Variants in RNF213 observed in about 807,000 individuals in gnomAD.
RNF213 encodes E3 ubiquitin-protein ligase RNF213.
Under a neutral mutation model 514.4 loss-of-function variants are expected in RNF213, and 341 were observed. The observed-to-expected ratio is 0.66, with a 90% CI of 0.61 to 0.73. RNF213 has a LOEUF of 0.73. RNF213 is among the 30% of genes least tolerant of loss of function. The probability of loss-of-function intolerance (pLI) is 0.00; values close to 1 mark genes in which losing one functional copy is unlikely to be tolerated. For missense variants in RNF213, 5,767 were observed against 6,615.6 expected (o/e 0.87, Z 4.45); for synonymous variants, 2,655 against 2,658.2 (o/e 1.00, Z 0.04).
Position 80,309,690 on chromosome 17 carries a change from C to T in RNF213, c.2655+519C>T, listed in dbSNP as rs576363660. On this transcript the variant is annotated intron_variant, in intron 14 of 67. Transcript: ENST00000582970. ...GTCCCAGGTCTGATGGCAGGATGAC[C>T]CGGCTCCTCCGTCCCAAAGAAAGCC... 9.9e-5 allele frequency among the ~76,000 whole-genome samples: 15 copies of T among 152,232 alleles called. No individual in the cohort carries two copies. The South Asian group carries it at 3.1e-3, about 32-fold the overall frequency.
Position 80,364,503 on chromosome 17 carries a change from G to GA in RNF213, c.11821_11822insA (p.Val3941AspfsTer24). 6.2e-7 allele frequency: 1 copy of GA among 1,614,112 alleles called. No homozygotes were observed. Among genetic ancestry groups the GA allele is most frequent in the Non-Finnish European group, 8.5e-7 (1 of 1,180,018 alleles). On this transcript the variant is annotated frameshift_variant, in exon 42 of 68. Transcript: ENST00000582970. LOFTEE classifies it high-confidence loss of function. The stretch of plus-strand genomic sequence containing the variant: ...CGTGCTCCTAGGAACCGAGAGCCGC[G>GA]TCCCCGAGTTACAGGGGCTGGTGAC...
At position 80,345,554 on chromosome 17, in the gene RNF213, G is replaced by A. The variant is rs757086130; in HGVS notation, c.7219G>A (p.Glu2407Lys). ...TDNMLKILAI[E>K]MRFRCGIPVI... ...CAATATGCTTAAAATCCTTGCCATC[G>A]AGATGCGGTTCCGGTGTGGGATCCC... Residue 2407 changes from glutamate to lysine, a missense_variant, in exon 29 of 68, where the codon GAG becomes AAG. Glu to Lys is a moderately conservative substitution (Grantham distance 56, BLOSUM62 1). Around this residue, in one of 13 missense-constraint regions of RNF213, gnomAD observed 1,377 missense variants for 1,635.2 expected, o/e 0.84. Transcript: ENST00000582970. The surrounding 1 kb of genome is among the most constrained non-coding windows in gnomAD (Gnocchi z 6.0). The A allele has an allele frequency of 2.5e-6, 4 of 1,613,358 alleles. No homozygotes were observed. The highest frequency in any genetic ancestry group is 8.5e-7 in the Non-Finnish European group (1 of 1,179,308).
chr17:80,383,210 C>T (rs2080094612), intron 58 of RNF213, 140 bp downstream of exon 58: 1 of 697,712 alleles, frequency 1.4e-6, no homozygotes, highest in African/African-American at 1.8e-5. Flanking sequence ...TTCCAATGCT[C>T]CCCACCTCGA....
intron 3 of RNF213, among the ~76,000 whole-genome samples, chr17:80,284,917 A>G (rs1050638089): frequency 2.0e-5 from 3 of 152,120 alleles, no homozygotes; most frequent in Admixed American, 2.0e-4. Flanking sequence ...GTGGGTCCCT[A>G]TGGCCAGGAT....
intron 3 of RNF213, among the ~76,000 whole-genome samples, chr17:80,275,864 A>G (rs2044032517): frequency 6.6e-6 from 1 of 151,164 alleles, no homozygotes; most frequent in African/African-American, 2.4e-5. Context: ...GGGTTTCACC[A>G]TGTTGGCCAG....
intron 67 of RNF213, among the ~76,000 whole-genome samples, chr17:80,391,952 A>G (rs2080491357): frequency 6.6e-6 from 1 of 151,788 alleles, no homozygotes. Flanking sequence ...TACTTTTAGT[A>G]GAGACGGGTT....
Position 80,393,878 on chromosome 17 carries a change from T to C in RNF213, c.*380T>C, listed in dbSNP as rs550341024. On this transcript the variant is annotated 3_prime_UTR_variant, in exon 68 of 68. Transcript: ENST00000582970. ...GGCACTGCCCACCCCTCTTTTTTTT[T>C]TTCTTCTAATTCTGTACTCACAAAA... 25 of 244,446 alleles carry C rather than the reference T, an allele frequency of 1.0e-4. No individual in the cohort carries two copies. The highest frequency in any genetic ancestry group is 5.2e-4 in the South Asian group (10 of 19,206). 15.1% of individuals were successfully genotyped at this position (244,446 alleles called of 1,614,324 possible). A position where few individuals can be genotyped will look rare whatever the true frequency, so the allele number is the denominator to read the frequency against.
chr17:80,371,045 A>G (rs1668531212), intron 46 of RNF213, among the ~76,000 whole-genome samples: 1 of 152,188 alleles, frequency 6.6e-6, no homozygotes, highest in Admixed American at 6.5e-5. Flanking sequence ...AAATGTGTCA[A>G]CCTTTACAAG....
chr17:80,384,069 G>C, intron 59 of RNF213, 141 bp downstream of exon 59: 3 of 1,050,430 alleles, frequency 2.9e-6, no homozygotes, highest in Non-Finnish European at 4.4e-6. Context: ...TGTAGCAGAA[G>C]ACTCAGGGCT....
At chr17:80,328,562 C>G (rs1350743037) in intron 20 of RNF213, 85 bp downstream of exon 20, 1 of 1,354,288 alleles carries the variant, frequency 7.4e-7, no homozygotes, top group Non-Finnish European at 9.8e-7. Context: ...AGTAGCAGAT[C>G]TTTATTTTGG....
chr17:80,334,057 G>A, intron 21 of RNF213, 48 bp from the exon 22 acceptor site: 1 of 1,535,774 alleles, frequency 6.5e-7, no homozygotes, highest in Non-Finnish European at 8.7e-7. Flanking sequence ...ACAGATTCTG[G>A]GGTTCTGGTT....
At chr17:80,373,612 C>T (rs1011042329) in intron 49 of RNF213, among the ~76,000 whole-genome samples, 1 of 152,094 alleles carries the variant, frequency 6.6e-6, no homozygotes, top group African/African-American at 2.4e-5. Flanking sequence ...GCGAATTAAA[C>T]GTAGTTCAGC....
chr17:80,389,958 C>T (rs370995636), intron 66 of RNF213, 41 bp downstream of exon 66: 147 of 1,611,962 alleles, frequency 9.1e-5, no homozygotes, highest in Admixed American at 6.2e-4. Context: ...AGAGGGACTG[C>T]GCTCCCTTCT....
intron 3 of RNF213, among the ~76,000 whole-genome samples, chr17:80,274,151 C>T (rs2043931659): frequency 6.6e-6 from 1 of 152,054 alleles, no homozygotes; most frequent in Non-Finnish European, 1.5e-5. Context: ...GGTGCGTGCC[C>T]AGAGGGGCTT....
chr17:80,334,448 T>C (rs1313325552), intron 22 of RNF213, 178 bp downstream of exon 22: 11 of 606,592 alleles, frequency 1.8e-5, no homozygotes, highest in Non-Finnish European at 2.4e-5. Context: ...TTCACACCGG[T>C]ACAGTATTTC....
At chr17:80,360,252 A>G in intron 38 of RNF213, 46 bp downstream of exon 38, 3 of 1,589,698 alleles carry the variant, frequency 1.9e-6, no homozygotes, top group Non-Finnish European at 2.6e-6. Flanking sequence ...GGTGAATCAC[A>G]AAGGGATTGC....
In RNF213 at chr17:80,360,194, A is replaced by G; in HGVS notation, c.11188A>G (p.Thr3730Ala). 1 of 1,613,250 alleles carries G rather than the reference A, an allele frequency of 6.2e-7. No homozygotes were observed. Among genetic ancestry groups the G allele is most frequent in the Non-Finnish European group, 8.5e-7 (1 of 1,179,630 alleles). The part of the protein sequence containing the change: ...EELWVQAQYI[T>A]DAEGLPKKFV... ...GCTGTGGGTCCAGGCTCAGTACATCACAGACGCAGAAGGTGAGGCTACCTC... is the reference window on the plus strand; with the variant it reads ...GCTGTGGGTCCAGGCTCAGTACATCGCAGACGCAGAAGGTGAGGCTACCTC... The change falls in exon 38 of 68, where the codon ACA (threonine) becomes GCA (alanine). Residue 3730 changes from threonine (T) to alanine (A), a missense_variant. Around this residue, in one of 13 missense-constraint regions of RNF213, gnomAD observed 355 missense variants for 358.0 expected, o/e 0.99. Transcript: ENST00000582970.
intron 2 of RNF213, among the ~76,000 whole-genome samples, chr17:80,270,460 C>A (rs757318605): frequency 2.2e-4 from 34 of 152,328 alleles, no homozygotes; most frequent in Non-Finnish European, 4.0e-4. Flanking sequence ...TCTGGCCACT[C>A]ACTGGCCGCG....
intron 3 of RNF213, among the ~76,000 whole-genome samples, chr17:80,280,484 C>T (rs143887567): frequency 2.3e-4 from 35 of 152,240 alleles, no homozygotes; most frequent in Non-Finnish European, 4.7e-4. Flanking sequence ...GGCAGGGTCT[C>T]GCCCTGGGTC....
Sources: gnomAD v4.1 joint callset for allele counts (sites outside exome capture counted in the v4.1 genomes callset) on GRCh38, gnomAD v4.1.1 for gene constraint, gnomAD v4.1.1 regional missense constraint, Gnocchi (gnomAD v3.1) non-coding constraint, MANE v1.5 for transcripts, NCBI Gene and HGNC (gene_info 2026-07-23, HGNC 2026-07-21) for gene names.